Variants in ADAMTS12 observed in about 807,000 individuals in gnomAD.
The protein encoded by ADAMTS12 is ADAM metallopeptidase with thrombospondin type 1 motif 12, also known as A disintegrin and metalloproteinase with thrombospondin motifs 12.
Under a neutral mutation model 167.8 loss-of-function variants are expected in ADAMTS12, and 118 were observed. The ratio of observed to expected loss-of-function variants is 0.70; its 90% CI spans 0.61 to 0.82. ADAMTS12 has a LOEUF of 0.82. ADAMTS12 is among the 40% of genes least tolerant of loss of function. The pLI, the probability that ADAMTS12 is intolerant of heterozygous loss-of-function variation, is 0.00. For missense variants in ADAMTS12, 1,916 were observed against 1,998.8 expected, an observed-to-expected ratio of 0.96 and a Z score of 0.79; for synonymous variants, 704 against 716.9, an observed-to-expected ratio of 0.98 and a Z score of 0.29.
At chr5:33,837,034 C>G (rs944410974) in intron 2 of ADAMTS12, among the ~76,000 whole-genome samples, 7 of 152,214 alleles carry the variant, frequency 4.6e-5, no homozygotes, top group African/African-American at 1.7e-4. Context: ...CAGGCTTGGA[C>G]CACCATGCCC....
Position 33,525,781 on chromosome 5 carries a change from T to A in ADAMTS12, c.*1407A>T, listed in dbSNP as rs1043753637. 3.3e-5 allele frequency: 5 copies of A among 152,224 alleles called. No individual in the cohort carries two copies. Among genetic ancestry groups the A allele is most frequent in the African/African-American group, 1.2e-4 (5 of 41,450 alleles). 9.4% of individuals were successfully genotyped at this position (152,224 alleles called of 1,614,324 possible). ...TGCCTTTCTCCCTGTCAAGAATTGG[T>A]TCTGATATCTTCTTTCATTTGAAGC... On this transcript the variant is annotated 3_prime_UTR_variant, in exon 24 of 24. Coordinates refer to ENST00000504830, the MANE Select transcript of ADAMTS12 (RefSeq NM_030955.4).
At chr5:33,778,013 G>A (rs957182721) in intron 2 of ADAMTS12, among the ~76,000 whole-genome samples, 5 of 151,996 alleles carry the variant, frequency 3.3e-5, no homozygotes, top group South Asian at 4.1e-4. Context: ...ACTGATGAAA[G>A]AAATTGAAAA....
intron 3 of ADAMTS12, among the ~76,000 whole-genome samples, chr5:33,700,949 C>T (rs1467394332): frequency 6.6e-6 from 1 of 152,156 alleles, no homozygotes. Context: ...ATTCCTAGTG[C>T]AGAGCCAGTG....
rs1561106563 is a variant in ADAMTS12 at position 33,534,966 on chromosome 5, A to C, written c.4473T>G (p.Phe1491Leu). 1 of 1,609,404 alleles carries C rather than the reference A, an allele frequency of 6.2e-7. No homozygotes were observed. Among genetic ancestry groups the C allele is most frequent in the Non-Finnish European group, 8.5e-7 (1 of 1,178,798 alleles). ...GCACACATTGGACAGTCCTCTTCTG[A>C]AAGCCACCTCCACAGGAAGTGGAAC... ...DLCSTSCGGGFQKRTVQCVPS... is the reference protein window; with the variant it reads ...DLCSTSCGGGLQKRTVQCVPS... Residue 1491 changes from phenylalanine to leucine, a missense_variant, in exon 23 of 24, where the codon TTT (phenylalanine) becomes TTG (leucine). Physicochemically the swap from Phe to Leu is conservative, Grantham distance 22. Coordinates refer to ENST00000504830, the MANE Select transcript of ADAMTS12 (RefSeq NM_030955.4).
chr5:33,603,549 C>T lies in ADAMTS12; in HGVS notation c.2528-7489G>A, dbSNP rs1004865515. ...CTCCATGGTAAGGCAGAAGTAAAAG[C>T]AAATGCCGCTGAGGGGAGAGAAGAA... is the stretch of plus-strand genomic sequence containing the variant. On this transcript the variant is annotated intron_variant, in intron 16 of 23. Coordinates refer to ENST00000504830, the MANE Select transcript of ADAMTS12 (RefSeq NM_030955.4). 3.3e-5 allele frequency: 5 copies of T among 152,138 alleles called. No homozygotes were observed. The South Asian group carries it at 8.3e-4, about 25-fold the overall frequency. The allele number at this position is 152,138 out of a possible 1,614,324, so 9.4% of individuals were successfully genotyped here.
At chr5:33,869,951 C>T in intron 2 of ADAMTS12, among the ~76,000 whole-genome samples, 1 of 152,200 alleles carries the variant, frequency 6.6e-6, no homozygotes, top group East Asian at 1.9e-4. Flanking sequence ...TTTTAGAGGC[C>T]CTCCCTGGGA....
At chr5:33,621,790 T>C (rs1354380866) in intron 14 of ADAMTS12, among the ~76,000 whole-genome samples, 1 of 152,194 alleles carries the variant, frequency 6.6e-6, no homozygotes, top group Non-Finnish European at 1.5e-5. Context: ...CAGTGACACA[T>C]AGGTGTCTGG....
At chr5:33,822,350 G>A (rs1407665030) in intron 2 of ADAMTS12, among the ~76,000 whole-genome samples, 4 of 152,160 alleles carry the variant, frequency 2.6e-5, no homozygotes, top group African/African-American at 9.7e-5. Flanking sequence ...CACAGAGCAT[G>A]CAAGCACAGC....
At chr5:33,848,633 T>C (rs776696522) in intron 2 of ADAMTS12, among the ~76,000 whole-genome samples, 3 of 152,074 alleles carry the variant, frequency 2.0e-5, no homozygotes, top group Non-Finnish European at 4.4e-5. Flanking sequence ...TTACTTGAGG[T>C]TGTTGGAATT....
intron 19 of ADAMTS12, among the ~76,000 whole-genome samples, chr5:33,565,934 C>T (rs955707082): frequency 2.0e-5 from 3 of 152,054 alleles, no homozygotes; most frequent in Non-Finnish European, 2.9e-5. Context: ...TAAATATTCT[C>T]AAGACAAAAT....
intron 16 of ADAMTS12, among the ~76,000 whole-genome samples, chr5:33,612,226 C>A (rs1020202013): frequency 2.0e-5 from 3 of 152,208 alleles, no homozygotes; most frequent in Non-Finnish European, 4.4e-5. Flanking sequence ...GCATTGTGAT[C>A]TTTCCCATTA....
intron 5 of ADAMTS12, among the ~76,000 whole-genome samples, chr5:33,682,394 GGATAT>G (rs535014680): frequency 5.5e-4 from 83 of 152,288 alleles, no homozygotes; most frequent in African/African-American, 1.9e-3. Context: ...TCAAGTACTT[GGATAT>G]GAGCCTGAAG....
chr5:33,552,580 T>A (rs1017241164), intron 20 of ADAMTS12, among the ~76,000 whole-genome samples: 1 of 152,246 alleles, frequency 6.6e-6, no homozygotes, highest in African/African-American at 2.4e-5. Context: ...CATAAGACCC[T>A]TAAAATAATT....
intron 18 of ADAMTS12, among the ~76,000 whole-genome samples, chr5:33,577,710 A>C (rs866614633): frequency 6.6e-6 from 1 of 152,022 alleles, no homozygotes; most frequent in Non-Finnish European, 1.5e-5. Context: ...CTAGATAATC[A>C]CCATACTCAC....
At chr5:33,532,228 C>A (rs1275098595) in intron 23 of ADAMTS12, among the ~76,000 whole-genome samples, 1 of 152,114 alleles carries the variant, frequency 6.6e-6, no homozygotes, top group Non-Finnish European at 1.5e-5. Context: ...GCTTGAAAAA[C>A]AATTTCAATG....
At chr5:33,655,249 A>C (rs1439734728) in intron 7 of ADAMTS12, among the ~76,000 whole-genome samples, 1 of 152,134 alleles carries the variant, frequency 6.6e-6, no homozygotes, top group Non-Finnish European at 1.5e-5. Context: ...AGCTGCTAGT[A>C]TATGCATCTC....
At chr5:33,792,243 G>A (rs1270741470) in intron 2 of ADAMTS12, among the ~76,000 whole-genome samples, 1 of 152,124 alleles carries the variant, frequency 6.6e-6, no homozygotes, top group Admixed American at 6.6e-5. Flanking sequence ...TGATCTGCCT[G>A]CCTCGGCATC....
At chr5:33,734,808 G>A (rs1485322567) in intron 3 of ADAMTS12, among the ~76,000 whole-genome samples, 1 of 152,190 alleles carries the variant, frequency 6.6e-6, no homozygotes, top group Admixed American at 6.5e-5. Flanking sequence ...TGTCTGCTCA[G>A]GGCTTGGGAA....
At chr5:33,847,813 T>C (rs1749005682) in intron 2 of ADAMTS12, among the ~76,000 whole-genome samples, 1 of 152,134 alleles carries the variant, frequency 6.6e-6, no homozygotes, top group African/African-American at 2.4e-5. Context: ...CCACCTTTAA[T>C]GGGTGGGCAC....
Sources: allele counts gnomAD v4.1 joint callset (sites outside exome capture counted in the v4.1 genomes callset), GRCh38; gene constraint gnomAD v4.1.1; transcripts MANE v1.5; gene names NCBI Gene and HGNC (gene_info 2026-07-23, HGNC 2026-07-21).